IRF2BP2: variants seen among roughly 807,000 people sequenced by gnomAD.
IRF2BP2 encodes the protein interferon regulatory factor 2 binding protein 2.
Under a neutral mutation model 32.7 loss-of-function variants are expected in IRF2BP2, and 13 were observed. That is an observed-to-expected ratio of 0.40 (90% CI 0.26 to 0.63). IRF2BP2 has a LOEUF of 0.63. IRF2BP2 is among the 30% of genes least tolerant of loss of function. IRF2BP2 has a pLI of 0.42. For synonymous variants in IRF2BP2, 555 were observed against 384.6 expected (o/e 1.44, Z -5.18); for missense variants, 980 against 830.6 (o/e 1.18, Z -2.21).
rs1158337718 is a variant in IRF2BP2, at chr1:234,608,569, A to G, written c.926T>C (p.Leu309Pro). 8 of 1,608,932 alleles carry G rather than the reference A, an allele frequency of 5.0e-6. No individual in the cohort carries two copies. Among genetic ancestry groups the G allele is most frequent in the South Asian group, 1.1e-5 (1 of 90,136 alleles). The change falls in exon 1 of 2, where the codon CTG becomes CCG. Residue 309 changes from leucine to proline, a missense_variant. Coordinates refer to ENST00000366609, the MANE Select transcript of IRF2BP2 (RefSeq NM_182972.3). The stretch of plus-strand genomic sequence containing the variant: ...GTGGCCGTGCTGGTGCAGCGCCAGC[A>G]GCGTGTCGCGCACGGTCTTGGGCCT... ...VNRPKTVRDT[L>P]LALHQHGHSG...
rs915702623 is a variant in IRF2BP2 at position 234,607,431 on chromosome 1, A to G, written c.1470T>C (p.Pro490=). 5.0e-6 allele frequency: 8 copies of G among 1,614,064 alleles called. No individual in the cohort carries two copies. The highest frequency in any genetic ancestry group is 4.0e-5 in the African/African-American group (3 of 75,068). ...GNTGGLEPVH[P]ASLPDSSLAT... is the part of the protein sequence containing the mutation. ...CCAGAGAGGAGTCCGGGAGGCTGGC[A>G]GGGTGCACTGGCTCCAGTCCTCCTG... Residue 490 remains proline (P), a synonymous_variant, in exon 2 of 2, where the codon CCT becomes CCC. Transcript: ENST00000366609.
intron 1 of IRF2BP2, chr1:234,608,054 T>C: frequency 1.8e-6 from 1 of 571,150 alleles, no homozygotes; most frequent in Non-Finnish European, 3.1e-6. Flanking sequence ...GGCAGCAGAC[T>C]GATTTAAAAT....
At position 234,605,043 on chromosome 1, in the gene IRF2BP2, A is replaced by C. The variant is rs1261579856; in HGVS notation, c.*2094T>G. ...CCACAGCTGGATAGACTTATCCAAA[A>C]CGGCAGGATGGTTCTGTATTAATCT... On this transcript the variant is annotated 3_prime_UTR_variant, in exon 2 of 2. Transcript: ENST00000366609. The C allele has an allele frequency of 1.3e-5, 2 of 152,350 alleles. No homozygotes were observed. Among genetic ancestry groups the C allele is most frequent in the Non-Finnish European group, 2.9e-5 (2 of 68,028 alleles). The allele number at this position is 152,350 out of a possible 1,614,324, so 9.4% of individuals were successfully genotyped here. A position where few individuals can be genotyped will look rare whatever the true frequency, so the allele number is the denominator to read the frequency against.
chr1:234,608,461 T>C lies in IRF2BP2; in HGVS notation c.1034A>G (p.Asn345Ser), dbSNP rs139174491. The C allele has an allele frequency of 4.4e-5, 69 of 1,585,388 alleles. No homozygotes were observed. The African/African-American group carries it at 8.4e-4, about 19-fold the overall frequency. Residue 345 changes from asparagine to serine, a missense_variant, in exon 1 of 2, where the codon AAC becomes AGC. Coordinates refer to ENST00000366609, the MANE Select transcript of IRF2BP2 (RefSeq NM_182972.3). Reference protein sequence around the residue: ...RLLGFEANGANGSKAVARTAR... With the variant: ...RLLGFEANGASGSKAVARTAR... Reference sequence around the variant, plus strand: ...GCCGCCCCTACCTGCTTTAGACCCGTTGGCCCCGTTGGCCTCGAAACCCAA... The same window carrying C: ...GCCGCCCCTACCTGCTTTAGACCCGCTGGCCCCGTTGGCCTCGAAACCCAA...
Position 234,609,572 on chromosome 1 carries a change from C to A in IRF2BP2, c.-78G>T. On this transcript the variant is annotated 5_prime_UTR_variant, in exon 1 of 2. Transcript: ENST00000366609. ...CCGCCGCCGCCCCCCACCGGCACCA[C>A]GCGCGCCCTCCTCCCCCCCCAACCC... 1 of 850,776 alleles carries A rather than the reference C, an allele frequency of 1.2e-6. No individual in the cohort carries two copies. Among genetic ancestry groups the A allele is most frequent in the Non-Finnish European group, 1.6e-6 (1 of 623,322 alleles). The allele number at this position is 850,776 out of a possible 1,614,324, so 52.7% of individuals were successfully genotyped here.
rs537339601 is a variant in IRF2BP2 at position 234,608,577 on chromosome 1, G to C, written c.918C>G (p.Arg306=). The change falls in exon 1 of 2, where the codon CGC becomes CGG. Residue 306 remains arginine, a synonymous_variant. Coordinates refer to ENST00000366609, the MANE Select transcript of IRF2BP2 (RefSeq NM_182972.3). ...GCTGGTGCAGCGCCAGCAGCGTGTC[G>C]CGCACGGTCTTGGGCCTGTTGACCC... ...QDWVNRPKTV[R]DTLLALHQHG... 1.2e-6 allele frequency: 2 copies of C among 1,607,682 alleles called. No homozygotes were observed. Among genetic ancestry groups the C allele is most frequent in the Non-Finnish European group, 1.7e-6 (2 of 1,177,850 alleles).
Position 234,607,818 on chromosome 1 carries a change from T to C in IRF2BP2, c.1083A>G (p.Pro361=), listed in dbSNP as rs188834929. The part of the protein sequence containing the change: ...ARTARKRKPS[P]EPEGEVGPPK... ...GGGGCCCGACTTCACCTTCTGGTTC[T>C]GGAGAGGGCTTCCTTTTCCTTGCTG... The change falls in exon 2 of 2, where the codon CCA becomes CCG. Residue 361 remains proline (P), a synonymous_variant. Coordinates refer to ENST00000366609, the MANE Select transcript of IRF2BP2 (RefSeq NM_182972.3). 461 of 1,595,420 alleles carry C rather than the reference T, an allele frequency of 2.9e-4. 2 individuals are homozygous for C. The East Asian group carries it at 8.7e-3, about 30-fold the overall frequency.
rs1672295113 is a variant in IRF2BP2, at chr1:234,609,755, C to G, written c.-261G>C. Among the ~76,000 whole-genome samples, 1 of 144,382 alleles carries G rather than the reference C, an allele frequency of 6.9e-6. No individual in the cohort carries two copies. The highest frequency in any genetic ancestry group is 2.1e-4 in the South Asian group (1 of 4,752). The allele number at this position is 144,382 out of a possible 152,430, so 94.7% of individuals were successfully genotyped here. On this transcript the variant is annotated 5_prime_UTR_variant, in exon 1 of 2. Transcript: ENST00000366609. Reference sequence around the variant, plus strand: ...CGCGGCAGCAGTTCCCCCCGGCCGGCCCGGGCACGGGCGGGCGGCGCGGCG... The same window carrying G: ...CGCGGCAGCAGTTCCCCCCGGCCGGGCCGGGCACGGGCGGGCGGCGCGGCG...
In IRF2BP2 at chr1:234,609,013, C is replaced by T. The variant is rs995753768; in HGVS notation, c.482G>A (p.Gly161Asp). ...GGGCGGCTCCTCTAGCTTGGAGAAG[C>T]CGTTGGGCACCAGGATGCCGTTCAC... ...PPVNGILVPN[G>D]FSKLEEPPEL... The change falls in exon 1 of 2, where the codon GGC (glycine) becomes GAC (aspartate). Residue 161 changes from glycine to aspartate, a missense_variant. Gly to Asp is a moderately conservative substitution (Grantham distance 94). Coordinates refer to ENST00000366609, the MANE Select transcript of IRF2BP2 (RefSeq NM_182972.3). 21 of 1,333,168 alleles carry T rather than the reference C, an allele frequency of 1.6e-5. No individual in the cohort carries two copies. The highest frequency in any genetic ancestry group is 1.9e-5 in the Non-Finnish European group (20 of 1,046,348). 82.6% of individuals were successfully genotyped at this position (1,333,168 alleles called of 1,614,324 possible).
In IRF2BP2 at chr1:234,607,915, A is replaced by G. The variant is rs1672210752; in HGVS notation, c.1049-63T>C. 2.4e-6 allele frequency: 3 copies of G among 1,274,880 alleles called. No homozygotes were observed. The South Asian group carries it at 4.4e-5, about 18-fold the overall frequency. The allele number at this position is 1,274,880 out of a possible 1,614,324, so 79.0% of individuals were successfully genotyped here. On this transcript the variant is annotated intron_variant, in intron 1 of 1. Coordinates refer to ENST00000366609, the MANE Select transcript of IRF2BP2 (RefSeq NM_182972.3). ...AAGTGGCGGTGCACTGAAAGAGATC[A>G]TTCTCTTCCTAACCCGAAACAAAAG...
rs1271070736 is a variant in IRF2BP2 at position 234,607,399 on chromosome 1, C to A, written c.1502G>T (p.Ser501Ile). 2.5e-6 allele frequency: 4 copies of A among 1,614,012 alleles called. No individual in the cohort carries two copies. Among genetic ancestry groups the A allele is most frequent in the East Asian group, 2.2e-5 (1 of 44,896 alleles). The change falls in exon 2 of 2, where the codon AGT becomes ATT. Residue 501 changes from serine to isoleucine, a missense_variant. Transcript: ENST00000366609. ...ASLPDSSLATSAPLCCTLCHE... is the reference protein window; with the variant it reads ...ASLPDSSLATIAPLCCTLCHE... ...GCAGAGGGTGCAGCACAGCGGGGCA[C>A]TGGTTGCCAGAGAGGAGTCCGGGAG...
chr1:234,608,394 G>A (rs1475653965), intron 1 of IRF2BP2, 53 bp downstream of exon 1: 30 of 1,341,232 alleles, frequency 2.2e-5, no homozygotes, highest in African/African-American at 4.6e-5. Context: ...CCCTTCCTCT[G>A]CTCTCCGTCC....
Position 234,609,105 on chromosome 1 carries a change from G to C in IRF2BP2, c.390C>G (p.Gly130=). 1.6e-6 allele frequency: 2 copies of C among 1,231,596 alleles called. No homozygotes were observed. The highest frequency in any genetic ancestry group is 8.7e-5 in the Admixed American group (2 of 22,942). The allele number at this position is 1,231,596 out of a possible 1,614,324, so 76.3% of individuals were successfully genotyped here. The change falls in exon 1 of 2, where the codon GGC becomes GGG. Residue 130 remains glycine, a synonymous_variant. Coordinates refer to ENST00000366609, the MANE Select transcript of IRF2BP2 (RefSeq NM_182972.3). ...CCGGGCGGCTGCTGCCGAAGTCAGAGCCGAGGCGCGGGGGCCTCTCGGCCG... is the reference window on the plus strand; with the variant it reads ...CCGGGCGGCTGCTGCCGAAGTCAGACCCGAGGCGCGGGGGCCTCTCGGCCG... The part of the protein sequence containing the change: ...AAAAERPPRL[G]SDFGSSRPAA...
In IRF2BP2 at chr1:234,608,775, G is replaced by T; in HGVS notation, c.720C>A (p.Ser240=). 1 of 1,450,108 alleles carries T rather than the reference G, an allele frequency of 6.9e-7. No homozygotes were observed. 89.8% of individuals were successfully genotyped at this position (1,450,108 alleles called of 1,614,324 possible). A position where few individuals can be genotyped will look rare whatever the true frequency, so the allele number is the denominator to read the frequency against. The change falls in exon 1 of 2, where the codon TCC becomes TCA. Residue 240 remains serine, a synonymous_variant. Coordinates refer to ENST00000366609, the MANE Select transcript of IRF2BP2 (RefSeq NM_182972.3). ...GCTCCACGGCAGCGCTGCTCGACACGGATGCCGGCCGCTTGTGGGCGCCCA... is the reference window on the plus strand; with the variant it reads ...GCTCCACGGCAGCGCTGCTCGACACTGATGCCGGCCGCTTGTGGGCGCCCA... ...TDLGAHKRPA[S]VSSSAAVEHE...
Position 234,608,864 on chromosome 1 carries a change from C to T in IRF2BP2, c.631G>A (p.Ala211Thr). The T allele has an allele frequency of 4.5e-6, 6 of 1,319,240 alleles. No homozygotes were observed. The highest frequency in any genetic ancestry group is 5.7e-6 in the Non-Finnish European group (6 of 1,044,072). 81.7% of individuals were successfully genotyped at this position (1,319,240 alleles called of 1,614,324 possible). ...TALGLGGRAA[A>T]SLAAVSGTAA... ...GTTCCGGACACCGCGGCTAAGGAGG[C>T]GGCAGCGCGGCCGCCGAGGCCGAGC... The change falls in exon 1 of 2, where the codon GCC (alanine) becomes ACC (threonine). Residue 211 changes from alanine (A) to threonine (T), a missense_variant. Coordinates refer to ENST00000366609, the MANE Select transcript of IRF2BP2 (RefSeq NM_182972.3).
chr1:234,607,795 G>A lies in IRF2BP2; in HGVS notation c.1106C>T (p.Pro369Leu). ...CTGGGCCTCTCCGTTGATCTTAGGG[G>A]GCCCGACTTCACCTTCTGGTTCTGG... ...PSPEPEGEVGPPKINGEAQPW... is the reference protein window; with the variant it reads ...PSPEPEGEVGLPKINGEAQPW... The change falls in exon 2 of 2, where the codon CCC becomes CTC. Residue 369 changes from proline to leucine, a missense_variant. Pro to Leu is a moderately conservative substitution (Grantham distance 98). Transcript: ENST00000366609. 1 of 1,610,600 alleles carries A rather than the reference G, an allele frequency of 6.2e-7. No homozygotes were observed. The highest frequency in any genetic ancestry group is 8.5e-7 in the Non-Finnish European group (1 of 1,177,810).
At position 234,609,921 on chromosome 1, in the gene IRF2BP2, G is replaced by A. The variant is rs1483234285; in HGVS notation, c.-427C>T. On this transcript the variant is annotated 5_prime_UTR_variant, in exon 1 of 2. Transcript: ENST00000366609. ...CGGCACGGAGTGCGGGGCGGGGGGC[G>A]GGGAGGCCGGGGGGGCAGGGGGCGG... Among the ~76,000 whole-genome samples, 1 of 141,276 alleles carries A rather than the reference G, an allele frequency of 7.1e-6. No homozygotes were observed. The highest frequency in any genetic ancestry group is 2.5e-5 in the African/African-American group (1 of 39,534). 92.7% of individuals were successfully genotyped at this position (141,276 alleles called of 152,430 possible).
At position 234,609,501 on chromosome 1, in the gene IRF2BP2, G is replaced by A. The variant is rs1460519671; in HGVS notation, c.-7C>T. The A allele has an allele frequency of 8.8e-6, 13 of 1,468,962 alleles. No individual in the cohort carries two copies. The East Asian group carries it at 1.2e-4, about 14-fold the overall frequency. 91.0% of individuals were successfully genotyped at this position (1,468,962 alleles called of 1,614,324 possible). A position where few individuals can be genotyped will look rare whatever the true frequency, so the allele number is the denominator to read the frequency against. ...CCGCCACCGCCGCGGCCATGTCCGA[G>A]GAGCCCGCGACGCCGGAGGAGGAGG... On this transcript the variant is annotated 5_prime_UTR_variant, in exon 1 of 2. Transcript: ENST00000366609.
rs1416969358 is a variant in IRF2BP2 at position 234,609,756 on chromosome 1, C to T, written c.-262G>A. Among the ~76,000 whole-genome samples, 3 of 144,330 alleles carry T rather than the reference C, an allele frequency of 2.1e-5. No homozygotes were observed. In the East Asian group the frequency reaches 6.1e-4, roughly 30 times the overall value. The allele number at this position is 144,330 out of a possible 152,430, so 94.7% of individuals were successfully genotyped here. ...GCGGCAGCAGTTCCCCCCGGCCGGC[C>T]CGGGCACGGGCGGGCGGCGCGGCGC... On this transcript the variant is annotated 5_prime_UTR_variant, in exon 1 of 2. Transcript: ENST00000366609.
Sources: allele counts gnomAD v4.1 joint callset (sites outside exome capture counted in the v4.1 genomes callset), GRCh38; gene constraint gnomAD v4.1.1; transcripts MANE v1.5; gene names NCBI Gene and HGNC (gene_info 2026-07-23, HGNC 2026-07-21).